The following TRIM2 variants were observed in gnomAD, a reference collection of about 807,000 sequenced individuals.
TRIM2 encodes tripartite motif-containing protein 2.
In TRIM2, 20 loss-of-function variants were observed where a neutral mutation model predicts 75.2. The ratio of observed to expected loss-of-function variants is 0.27; its 90% CI spans 0.19 to 0.39. The LOEUF (loss-of-function observed/expected upper bound fraction) is 0.39, where lower values mean the gene tolerates loss of function less well. Ranked by LOEUF, TRIM2 falls within the 10% of genes least tolerant of loss-of-function variation. The pLI is 1.00. For missense variants in TRIM2, 660 were observed against 990.8 expected (o/e 0.67, Z 4.48); for synonymous variants, 373 against 388.3 (o/e 0.96, Z 0.46).
At chr4:153,287,119 A>G (rs762913220) in intron 3 of TRIM2, among the ~76,000 whole-genome samples, 7 of 152,090 alleles carry the variant, frequency 4.6e-5, no homozygotes, top group Non-Finnish European at 7.4e-5. Flanking sequence ...CCAGGACTAC[A>G]GGCACACGCC....
At chr4:153,331,314 C>A (rs1473477934) in intron 11 of TRIM2, among the ~76,000 whole-genome samples, 2 of 151,974 alleles carry the variant, frequency 1.3e-5, no homozygotes, top group Non-Finnish European at 2.9e-5. Context: ...CAGAGCAAGA[C>A]CCTGTCTCTT....
intron 1 of TRIM2, among the ~76,000 whole-genome samples, chr4:153,170,605 C>T (rs1005405297): frequency 1.3e-5 from 2 of 152,156 alleles, no homozygotes; most frequent in Admixed American, 6.5e-5. Flanking sequence ...GCACATTCAC[C>T]CACAAGCTAA....
rs1348132011 is a variant in TRIM2 at position 153,295,351 on chromosome 4, G to A, written c.825G>A (p.Gln275=). 1.9e-6 allele frequency: 3 copies of A among 1,612,250 alleles called. No homozygotes were observed. Among genetic ancestry groups the A allele is most frequent in the African/African-American group, 2.7e-5 (2 of 74,918 alleles). Residue 275 remains glutamine, a synonymous_variant, in exon 6 of 12, where the codon CAG becomes CAA. Transcript: ENST00000338700. This position sits in a 1 kb window ranked among gnomAD's most constrained non-coding sequence, Gnocchi z 7.2. The part of the protein sequence containing the change: ...QSQLDTLLQG[Q]ESIKSCSNFT... ...AGCTGGATACTCTGCTCCAGGGGCA[G>A]GAGAGCATTAAGAGCTGCAGCAACT...
At chr4:153,215,958 A>AT (rs892697798) in intron 1 of TRIM2, among the ~76,000 whole-genome samples, 40 of 152,036 alleles carry the variant, frequency 2.6e-4, no homozygotes, top group African/African-American at 7.7e-4. Flanking sequence ...GCCTGTTTTT[A>AT]TTTTTTTGTT....
chr4:153,186,171 G>T (rs1345780730), intron 1 of TRIM2, among the ~76,000 whole-genome samples: 1 of 152,170 alleles, frequency 6.6e-6, no homozygotes, highest in Non-Finnish European at 1.5e-5. Context: ...AACATCAGCA[G>T]TGCCCAGGCT....
intron 1 of TRIM2, among the ~76,000 whole-genome samples, chr4:153,227,631 C>T (rs953459058): frequency 6.6e-6 from 1 of 152,180 alleles, no homozygotes. Flanking sequence ...ATGGGATTTG[C>T]ATCTCGTTAG....
intron 1 of TRIM2, among the ~76,000 whole-genome samples, chr4:153,249,043 G>A (rs764604239): frequency 2.6e-5 from 4 of 152,252 alleles, no homozygotes; most frequent in African/African-American, 4.8e-5. Flanking sequence ...AGGGCCAGGC[G>A]GGGGCGATCC....
At chr4:153,206,991 C>G (rs905500429) in intron 1 of TRIM2, among the ~76,000 whole-genome samples, 1 of 152,100 alleles carries the variant, frequency 6.6e-6, no homozygotes, top group Non-Finnish European at 1.5e-5. Flanking sequence ...AGCGATCCTC[C>G]AGATCCTCCC....
In TRIM2 at chr4:153,295,574, G is replaced by T. The variant is rs1394904096; in HGVS notation, c.1048G>T (p.Ala350Ser). The change falls in exon 6 of 12, where the codon GCC becomes TCC. Residue 350 changes from alanine to serine, a missense_variant. By Grantham distance (99) the Ala-to-Ser change is moderately conservative. Around this residue, in one of 2 missense-constraint regions of TRIM2, gnomAD observed 620 missense variants for 891.0 expected, o/e 0.70. Transcript: ENST00000338700. This position sits in a 1 kb window ranked among gnomAD's most constrained non-coding sequence, Gnocchi z 7.2. ...CCTCGGGACGATCTTAACCACCAAC[G>T]CCGTTGCCTCAGAGACAGTGGCCAC... ...HNLGTILTTN[A>S]VASETVATGE... 1 of 1,613,366 alleles carries T rather than the reference G, an allele frequency of 6.2e-7. No individual in the cohort carries two copies.
chr4:153,208,515 T>TA (rs1488437650), intron 1 of TRIM2, among the ~76,000 whole-genome samples: 1 of 152,092 alleles, frequency 6.6e-6, no homozygotes, highest in African/African-American at 2.4e-5. Context: ...ATTTTCATAG[T>TA]AAATTGTATG....
At chr4:153,266,347 T>TG (rs1330451732) in intron 1 of TRIM2, among the ~76,000 whole-genome samples, 1 of 146,830 alleles carries the variant, frequency 6.8e-6, no homozygotes, top group African/African-American at 2.5e-5. Flanking sequence ...TTTTTGGGTT[T>TG]TTTTTTTTTT....
At chr4:153,292,157 C>G (rs993846707) in intron 3 of TRIM2, among the ~76,000 whole-genome samples, 1 of 152,226 alleles carries the variant, frequency 6.6e-6, no homozygotes, top group African/African-American at 2.4e-5. Flanking sequence ...CACTCTCGTT[C>G]TCTCAAGAGT....
chr4:153,195,242 G>C (rs561607354), intron 1 of TRIM2, among the ~76,000 whole-genome samples: 1 of 152,178 alleles, frequency 6.6e-6, no homozygotes, highest in Admixed American at 6.5e-5. Flanking sequence ...CTGGCAGCTA[G>C]GCACGGTGGC....
intron 1 of TRIM2, among the ~76,000 whole-genome samples, chr4:153,193,433 T>A (rs1268211244): frequency 6.6e-6 from 1 of 152,154 alleles, no homozygotes; most frequent in Non-Finnish European, 1.5e-5. Flanking sequence ...GCCTGGCCCA[T>A]GAATAATCTT....
In TRIM2 at chr4:153,229,059, G is replaced by C. The variant is rs145285059; in HGVS notation, c.30+24499G>C. Among the ~76,000 whole-genome samples, 606 of 152,290 alleles carry C rather than the reference G, an allele frequency of 4.0e-3. 3 individuals are homozygous for C. Among genetic ancestry groups the C allele is most frequent in the African/African-American group, 0.014 (587 of 41,566 alleles). ...ACGTGGGGCCCTGTGCAAAGTGCTG[G>C]TTTTTCTTGTGACATTTACTCTAAA... On this transcript the variant is annotated intron_variant, in intron 1 of 11. Coordinates refer to ENST00000338700, the MANE Select transcript of TRIM2 (RefSeq NM_015271.5).
intron 6 of TRIM2, among the ~76,000 whole-genome samples, chr4:153,310,589 T>C (rs937313651): frequency 1.3e-5 from 2 of 152,148 alleles, no homozygotes; most frequent in African/African-American, 4.8e-5. Flanking sequence ...TGGTGTCCTT[T>C]TAATCTTCAG....
chr4:153,188,477 A>G (rs948575016), intron 1 of TRIM2, among the ~76,000 whole-genome samples: 1 of 151,408 alleles, frequency 6.6e-6, no homozygotes, highest in African/African-American at 2.4e-5. Context: ...CAAAAACCCC[A>G]TAAAAAAACA....
chr4:153,254,788 C>G (rs997045575), intron 1 of TRIM2, among the ~76,000 whole-genome samples: 1 of 152,180 alleles, frequency 6.6e-6, no homozygotes, highest in Non-Finnish European at 1.5e-5. Flanking sequence ...CCATTTAACC[C>G]ATATAGTAGT....
At chr4:153,219,510 A>G (rs2149744159) in intron 1 of TRIM2, among the ~76,000 whole-genome samples, 1 of 152,264 alleles carries the variant, frequency 6.6e-6, no homozygotes, top group East Asian at 1.9e-4. Flanking sequence ...TCAGGCCCTC[A>G]TCTTCCACAT....
Sources: gnomAD v4.1 joint callset for allele counts (sites outside exome capture counted in the v4.1 genomes callset) on GRCh38, gnomAD v4.1.1 for gene constraint, gnomAD v4.1.1 regional missense constraint, Gnocchi (gnomAD v3.1) non-coding constraint, MANE v1.5 for transcripts, NCBI Gene and HGNC (gene_info 2026-07-23, HGNC 2026-07-21) for gene names.